The following LRRC1 variants were observed in gnomAD, a reference collection of about 807,000 sequenced individuals.
The protein encoded by LRRC1 is leucine-rich repeat-containing protein 1.
A neutral mutation model predicts 69.9 loss-of-function variants in LRRC1; 28 were observed. The ratio of observed to expected loss-of-function variants is 0.40; its 90% confidence interval spans 0.30 to 0.55. The LOEUF (loss-of-function observed/expected upper bound fraction) is 0.55, where lower values mean the gene tolerates loss of function less well. LRRC1 is among the 20% of genes least tolerant of loss of function. The probability of loss-of-function intolerance (pLI) is 0.47; values close to 1 mark genes in which losing one functional copy is unlikely to be tolerated. For missense variants in LRRC1, 498 were observed against 609.0 expected, an observed-to-expected ratio of 0.82 and a Z score of 1.92; for synonymous variants, 236 against 240.2, an observed-to-expected ratio of 0.98 and a Z score of 0.16.
chr6:53,921,074 C>A (rs1283156347), intron 13 of LRRC1, among the ~76,000 whole-genome samples: 1 of 151,982 alleles, frequency 6.6e-6, no homozygotes, highest in African/African-American at 2.4e-5. Flanking sequence ...TTCAAGCCAT[C>A]CCCCGACCTC....
At chr6:53,886,501 ATG>A (rs1767484640) in intron 4 of LRRC1, among the ~76,000 whole-genome samples, 1 of 152,238 alleles carries the variant, frequency 6.6e-6, no homozygotes, top group South Asian at 2.1e-4. Context: ...AGCACTTCCT[ATG>A]GTGCAGTTCA....
chr6:53,862,895 A>G lies in LRRC1; in HGVS notation c.278-16098A>G, dbSNP rs1031239331. Among the ~76,000 whole-genome samples the G allele has an allele frequency of 2.6e-5, 4 of 152,346 alleles. No homozygotes were observed. The East Asian group carries it at 7.7e-4, about 29-fold the overall frequency. Reference sequence around the variant, plus strand: ...AAATGCAGACTTGGCTCATGGATTCATATTTAGTCTTGTTTGACAATTCCA... The same window carrying G: ...AAATGCAGACTTGGCTCATGGATTCGTATTTAGTCTTGTTTGACAATTCCA... On this transcript the variant is annotated intron_variant, in intron 2 of 13. Transcript: ENST00000370888.
intron 1 of LRRC1, among the ~76,000 whole-genome samples, chr6:53,830,254 T>G (rs1173598994): frequency 6.6e-6 from 1 of 152,200 alleles, no homozygotes; most frequent in East Asian, 1.9e-4. Flanking sequence ...AAAGGAGCAG[T>G]TTTTAAAGAA....
chr6:53,852,918 AG>A (rs1487788589), intron 2 of LRRC1, among the ~76,000 whole-genome samples: 1 of 152,232 alleles, frequency 6.6e-6, no homozygotes, highest in Admixed American at 6.5e-5. Context: ...TTTATAAACA[AG>A]AGAAATGTAT....
intron 7 of LRRC1, among the ~76,000 whole-genome samples, chr6:53,898,027 CT>C (rs1767931117): frequency 6.6e-6 from 1 of 152,142 alleles, no homozygotes; most frequent in Non-Finnish European, 1.5e-5. Flanking sequence ...TTTTCTCCAA[CT>C]ATTACTGAAT....
At chr6:53,878,188 C>A (rs1441482123) in intron 2 of LRRC1, among the ~76,000 whole-genome samples, 1 of 152,134 alleles carries the variant, frequency 6.6e-6, no homozygotes, top group East Asian at 1.9e-4. Flanking sequence ...ATTCAATTAC[C>A]TCCTACTGGG....
At chr6:53,828,169 C>CAAAAAAAAAA (rs35639473) in intron 1 of LRRC1, among the ~76,000 whole-genome samples, 1 of 135,252 alleles carries the variant, frequency 7.4e-6, no homozygotes, top group Non-Finnish European at 1.6e-5. Context: ...GTTCAAAGGC[C>CAAAAAAAAAA]AAAAAAAAAA....
In LRRC1 at chr6:53,920,666, G is replaced by T. The variant is rs753887291; in HGVS notation, c.1321G>T (p.Asp441Tyr). The change falls in exon 13 of 14, where the codon GAT becomes TAT. Residue 441 changes from aspartate to tyrosine, a missense_variant. Coordinates refer to ENST00000370888, the MANE Select transcript of LRRC1 (RefSeq NM_018214.5). ...RCGALENLVN[D>Y]VSDEAWNERA... ...TGGTGCACTGGAGAACTTGGTAAAT[G>T]ATGTCTCTGATGAAGCCTGGAACGA... 2 of 1,614,182 alleles carry T rather than the reference G, an allele frequency of 1.2e-6. No individual in the cohort carries two copies. Among genetic ancestry groups the T allele is most frequent in the South Asian group, 2.2e-5 (2 of 91,076 alleles).
At chr6:53,903,675 C>T (rs901937342) in intron 9 of LRRC1, among the ~76,000 whole-genome samples, 181 of 152,218 alleles carry the variant, frequency 1.2e-3, no homozygotes, top group African/African-American at 4.2e-3. Flanking sequence ...ATGGAGTGCA[C>T]AGATGTGGGT....
intron 10 of LRRC1, among the ~76,000 whole-genome samples, chr6:53,905,947 A>T (rs1323313681): frequency 2.6e-5 from 4 of 152,254 alleles, no homozygotes; most frequent in Non-Finnish European, 5.9e-5. Context: ...GCAATAAACC[A>T]AAATACAGAA....
rs139838800 is a variant in LRRC1, at chr6:53,863,161, C to G, written c.278-15832C>G. 2.8e-4 allele frequency among the ~76,000 whole-genome samples: 42 copies of G among 152,294 alleles called. No homozygotes were observed. In the East Asian group the frequency reaches 7.3e-3, roughly 27 times the overall value. On this transcript the variant is annotated intron_variant, in intron 2 of 13. Transcript: ENST00000370888. ...CTGCTAGTTGTTTTATTCATTATAGCTTTTGAATTCCATTCTTGGCCAGGT... is the reference window on the plus strand; with the variant it reads ...CTGCTAGTTGTTTTATTCATTATAGGTTTTGAATTCCATTCTTGGCCAGGT...
At chr6:53,834,192 G>T (rs1232961478) in intron 1 of LRRC1, among the ~76,000 whole-genome samples, 1 of 152,006 alleles carries the variant, frequency 6.6e-6, no homozygotes, top group Non-Finnish European at 1.5e-5. Context: ...AGGCTTTATC[G>T]GGATGTTTGT....
chr6:53,809,406 G>T (rs1027756940), intron 1 of LRRC1, among the ~76,000 whole-genome samples: 7 of 152,168 alleles, frequency 4.6e-5, no homozygotes, highest in African/African-American at 1.7e-4. Flanking sequence ...GCAGGAGGAG[G>T]AAGGGGGCAG....
chr6:53,829,577 A>G (rs1328480540), intron 1 of LRRC1, among the ~76,000 whole-genome samples: 1 of 152,216 alleles, frequency 6.6e-6, no homozygotes, highest in Non-Finnish European at 1.5e-5. Context: ...CCATGGTACC[A>G]GAACATGGTC....
At chr6:53,860,993 G>A (rs967574513) in intron 2 of LRRC1, among the ~76,000 whole-genome samples, 6 of 149,080 alleles carry the variant, frequency 4.0e-5, no homozygotes, top group African/African-American at 1.5e-4. Context: ...AGAACACATG[G>A]ACACAGAAGG....
At chr6:53,802,780 ACAG>A (rs1235049213) in intron 1 of LRRC1, among the ~76,000 whole-genome samples, 2 of 152,222 alleles carry the variant, frequency 1.3e-5, no homozygotes, top group African/African-American at 4.8e-5. Flanking sequence ...GTGCTAGAGT[ACAG>A]GTGCTGGAGT....
chr6:53,805,316 C>T (rs1005690846), intron 1 of LRRC1, among the ~76,000 whole-genome samples: 1 of 152,090 alleles, frequency 6.6e-6, no homozygotes, highest in Non-Finnish European at 1.5e-5. Context: ...AGACGGGGAG[C>T]TTTTGTGAGG....
At chr6:53,797,752 C>T (rs78079048) in intron 1 of LRRC1, among the ~76,000 whole-genome samples, 7,034 of 152,328 alleles carry the variant, frequency 0.046, 219 homozygotes, top group Non-Finnish European at 0.067. Flanking sequence ...CTTCTTTCCA[C>T]TGAAAGGCCT....
At chr6:53,913,598 T>G (rs1581918808) in intron 10 of LRRC1, among the ~76,000 whole-genome samples, 1 of 152,346 alleles carries the variant, frequency 6.6e-6, no homozygotes, top group East Asian at 1.9e-4. Flanking sequence ...AGAATAAAAT[T>G]TTTTAACTGT....
Sources: gnomAD v4.1 joint callset for allele counts (sites outside exome capture counted in the v4.1 genomes callset) on GRCh38, gnomAD v4.1.1 for gene constraint, MANE v1.5 for transcripts, NCBI Gene and HGNC (gene_info 2026-07-23, HGNC 2026-07-21) for gene names.